Variants in NRXN3 observed in about 807,000 individuals in gnomAD.
The protein encoded by NRXN3 is neurexin III.
In NRXN3, 32 loss-of-function variants were observed where a neutral mutation model predicts 137.6. That is an observed-to-expected ratio of 0.23 (90% CI 0.18 to 0.31). NRXN3 has a LOEUF of 0.31. Ranked by LOEUF, NRXN3 falls within the 10% of genes least tolerant of loss-of-function variation. The pLI, the probability that NRXN3 is intolerant of heterozygous loss-of-function variation, is 1.00. For missense variants in NRXN3, 1,574 were observed against 2,062.5 expected (o/e 0.76, Z 4.59); for synonymous variants, 798 against 784.5 (o/e 1.02, Z -0.29).
At chr14:78,749,344 C>T (rs929095111) in intron 8 of NRXN3, among the ~76,000 whole-genome samples, 1 of 152,176 alleles carries the variant, frequency 6.6e-6, no homozygotes, top group Non-Finnish European at 1.5e-5. Flanking sequence ...AGATTGCCTA[C>T]CACTATTATT....
chr14:79,332,463 C>T (rs1408283221), intron 15 of NRXN3, among the ~76,000 whole-genome samples: 1 of 152,152 alleles, frequency 6.6e-6, no homozygotes, highest in Non-Finnish European at 1.5e-5. Context: ...TGTGCTGTTT[C>T]CTCTGCTAAG....
At chr14:79,214,719 G>C (rs2068219260) in intron 15 of NRXN3, among the ~76,000 whole-genome samples, 1 of 152,108 alleles carries the variant, frequency 6.6e-6, no homozygotes, top group South Asian at 2.1e-4. Context: ...TGGTTTCCAT[G>C]GTGTTGTGTG....
chr14:78,790,429 G>A (rs1245354318), intron 8 of NRXN3, among the ~76,000 whole-genome samples: 1 of 152,156 alleles, frequency 6.6e-6, no homozygotes, highest in Non-Finnish European at 1.5e-5. Context: ...CAAGAGGGAG[G>A]ACATCACCCC....
Position 79,703,197 on chromosome 14 carries a change from A to G in NRXN3, c.4014+5260A>G, listed in dbSNP as rs113611165. On this transcript the variant is annotated intron_variant, in intron 19 of 20. Transcript: ENST00000335750. Reference sequence around the variant, plus strand: ...CAAACTTGGTGGTTGAATGTGAACCACTTTTGCAAATTCCAGAAGGAAGCC... The same window carrying G: ...CAAACTTGGTGGTTGAATGTGAACCGCTTTTGCAAATTCCAGAAGGAAGCC... Among the ~76,000 whole-genome samples, 329 of 152,264 alleles carry G rather than the reference A, an allele frequency of 2.2e-3. 1 individual carries two copies. The highest frequency in any genetic ancestry group is 7.7e-3 in the African/African-American group (320 of 41,558).
At chr14:78,176,719 G>C (rs2059305982) in intron 1 of NRXN3, among the ~76,000 whole-genome samples, 1 of 152,202 alleles carries the variant, frequency 6.6e-6, no homozygotes, top group Admixed American at 6.5e-5. Flanking sequence ...CTGGCTGCCA[G>C]GGTAGGGCTC....
chr14:79,163,011 G>A (rs1291625172), intron 15 of NRXN3, among the ~76,000 whole-genome samples: 2 of 150,856 alleles, frequency 1.3e-5, no homozygotes, highest in East Asian at 3.9e-4. Flanking sequence ...CTGTCTCTCT[G>A]CATGTGTCTG....
intron 1 of NRXN3, among the ~76,000 whole-genome samples, chr14:78,235,168 T>C (rs549648385): frequency 1.3e-5 from 2 of 151,964 alleles, no homozygotes; most frequent in East Asian, 3.9e-4. Flanking sequence ...CCTTTCCATT[T>C]ATCTCCATCA....
intron 2 of NRXN3, among the ~76,000 whole-genome samples, chr14:78,266,624 C>T (rs533282134): frequency 9.9e-5 from 15 of 152,174 alleles, no homozygotes; most frequent in African/African-American, 3.4e-4. Context: ...GGAAGCAGAA[C>T]GTCTCCTTAT....
intron 10 of NRXN3, among the ~76,000 whole-genome samples, chr14:78,924,403 TG>T (rs144209620): frequency 0.019 from 2,964 of 152,236 alleles, 96 homozygotes; most frequent in African/African-American, 0.068. Flanking sequence ...GTATTTTAAA[TG>T]AAGAAGAGAT....
chr14:78,782,889 A>C (rs1426541884), intron 8 of NRXN3, among the ~76,000 whole-genome samples: 1 of 152,172 alleles, frequency 6.6e-6, no homozygotes, highest in Non-Finnish European at 1.5e-5. Flanking sequence ...CATGATAAGC[A>C]CTGGCAAGGA....
intron 4 of NRXN3, among the ~76,000 whole-genome samples, chr14:78,343,361 A>G (rs2082350031): frequency 6.6e-6 from 1 of 152,210 alleles, no homozygotes; most frequent in Non-Finnish European, 1.5e-5. Flanking sequence ...TTAAAGCATC[A>G]ATGTTGACAT....
At chr14:79,103,373 G>T (rs1372453583) in intron 15 of NRXN3, among the ~76,000 whole-genome samples, 2 of 152,162 alleles carry the variant, frequency 1.3e-5, no homozygotes, top group African/African-American at 2.4e-5. Context: ...TGACTGTAAG[G>T]TTCTTTGTTT....
chr14:79,291,342 T>C (rs539775085), intron 15 of NRXN3, among the ~76,000 whole-genome samples: 3 of 152,216 alleles, frequency 2.0e-5, no homozygotes, highest in African/African-American at 7.2e-5. Flanking sequence ...GTTCATTTAA[T>C]TCTCCCATGA....
chr14:78,219,665 G>A (rs2063637912), intron 1 of NRXN3, among the ~76,000 whole-genome samples: 1 of 152,222 alleles, frequency 6.6e-6, no homozygotes, highest in Admixed American at 6.5e-5. Flanking sequence ...TATCTGGTGA[G>A]TTTTCAAAAA....
At chr14:78,784,948 G>T (rs2098784086) in intron 8 of NRXN3, among the ~76,000 whole-genome samples, 1 of 152,116 alleles carries the variant, frequency 6.6e-6, no homozygotes, top group Non-Finnish European at 1.5e-5. Flanking sequence ...GAACAGCAGG[G>T]GCAGGCCATT....
At chr14:79,231,559 A>G (rs1240505157) in intron 15 of NRXN3, among the ~76,000 whole-genome samples, 1 of 152,172 alleles carries the variant, frequency 6.6e-6, no homozygotes, top group Non-Finnish European at 1.5e-5. Flanking sequence ...TGGCAATGCT[A>G]ATTTGTTTCT....
intron 4 of NRXN3, among the ~76,000 whole-genome samples, chr14:78,382,021 A>G (rs370787331): frequency 8.5e-5 from 13 of 152,306 alleles, no homozygotes; most frequent in African/African-American, 3.1e-4. Context: ...ATCAACATCA[A>G]TATTCTGCTT....
intron 15 of NRXN3, among the ~76,000 whole-genome samples, chr14:79,414,219 T>G (rs112352977): frequency 6.6e-6 from 1 of 152,088 alleles, no homozygotes; most frequent in Admixed American, 6.6e-5. Flanking sequence ...AATAGGACCA[T>G]ATGTTAGGCA....
At chr14:79,466,073 A>G (rs1183495671) in intron 15 of NRXN3, among the ~76,000 whole-genome samples, 8 of 152,318 alleles carry the variant, frequency 5.3e-5, no homozygotes, top group East Asian at 1.9e-4. Flanking sequence ...CTGAGTTCAT[A>G]TGGATAATAG....
Sources: allele counts gnomAD v4.1 joint callset (sites outside exome capture counted in the v4.1 genomes callset), GRCh38; gene constraint gnomAD v4.1.1; transcripts MANE v1.5; gene names NCBI Gene and HGNC (gene_info 2026-07-23, HGNC 2026-07-21).